FARS2: variants seen among roughly 807,000 people sequenced by gnomAD.
FARS2 encodes the protein phenylalanyl-tRNA synthetase 2, mitochondrial.
In FARS2, 40 loss-of-function variants were observed where a neutral mutation model predicts 46.4. The observed-to-expected ratio is 0.86, with a 90% CI of 0.67 to 1.12. The LOEUF is 1.12. Ranked by LOEUF, FARS2 falls within the 50% of genes most tolerant of loss-of-function variation. The pLI is 0.00. For synonymous variants in FARS2, 234 were observed against 214.9 expected (o/e 1.09, Z -0.78); for missense variants, 513 against 567.9 (o/e 0.90, Z 0.98).
intron 4 of FARS2, among the ~76,000 whole-genome samples, chr6:5,481,482 CCTCAGTTCATTGTT>C (rs112976661): frequency 7.0e-4 from 107 of 152,270 alleles, no homozygotes; most frequent in African/African-American, 2.5e-3. Flanking sequence ...TCTGGATCTG[CCTCAGTTCATTGTT>C]CTTAGACTTG....
At chr6:5,578,929 C>T (rs1362138437) in intron 5 of FARS2, among the ~76,000 whole-genome samples, 1 of 152,006 alleles carries the variant, frequency 6.6e-6, no homozygotes. Context: ...TTTCTCTGGC[C>T]TGTTTTCTCA....
At chr6:5,750,817 A>T (rs989420120) in intron 6 of FARS2, among the ~76,000 whole-genome samples, 1 of 152,054 alleles carries the variant, frequency 6.6e-6, no homozygotes, top group Non-Finnish European at 1.5e-5. Flanking sequence ...TTAAAACATG[A>T]CTATTAATAG....
At chr6:5,698,263 C>T (rs1440671163) in intron 6 of FARS2, among the ~76,000 whole-genome samples, 9 of 152,298 alleles carry the variant, frequency 5.9e-5, no homozygotes, top group South Asian at 2.1e-4. Context: ...AGGGAGGCCT[C>T]GGGAAGCTCA....
intron 1 of FARS2, among the ~76,000 whole-genome samples, chr6:5,346,090 CAGTCACCTAGA>C (rs1259916306): frequency 1.3e-5 from 2 of 152,202 alleles, no homozygotes; most frequent in East Asian, 3.9e-4. Flanking sequence ...CAGGGACGTG[CAGTCACCTAGA>C]AGTCTCTTCC....
At chr6:5,550,988 T>C (rs1263657448) in intron 5 of FARS2, among the ~76,000 whole-genome samples, 1 of 152,214 alleles carries the variant, frequency 6.6e-6, no homozygotes, top group Non-Finnish European at 1.5e-5. Flanking sequence ...CCAAAGCACT[T>C]TTCTTTCAGC....
Position 5,692,332 on chromosome 6 carries a change from C to T in FARS2, c.1218-78959C>T, listed in dbSNP as rs189382762. On this transcript the variant is annotated intron_variant, in intron 6 of 6. Transcript: ENST00000274680. ...TTCCTATTCGGCCATCTTGGCTCCA[C>T]CCCCCTTCTATGAATTTCTTAGGCT... is the stretch of plus-strand genomic sequence containing the variant. 6.2e-3 allele frequency among the ~76,000 whole-genome samples: 942 copies of T among 152,326 alleles called. 8 individuals carry two copies. The highest frequency in any genetic ancestry group is 8.7e-3 in the Non-Finnish European group (589 of 68,022).
At chr6:5,649,951 G>A (rs911634495) in intron 6 of FARS2, among the ~76,000 whole-genome samples, 5 of 152,172 alleles carry the variant, frequency 3.3e-5, no homozygotes, top group African/African-American at 9.7e-5. Context: ...CTGAGAAGGG[G>A]CTTCTTAGAT....
intron 5 of FARS2, among the ~76,000 whole-genome samples, chr6:5,547,886 A>G (rs1771131951): frequency 6.6e-6 from 1 of 152,180 alleles, no homozygotes; most frequent in Non-Finnish European, 1.5e-5. Flanking sequence ...CTCTGGAGTT[A>G]TACTTATTTA....
intron 6 of FARS2, among the ~76,000 whole-genome samples, chr6:5,644,603 A>G (rs1329130582): frequency 6.6e-6 from 1 of 152,096 alleles, no homozygotes; most frequent in Admixed American, 6.6e-5. Flanking sequence ...CAGCATCTTT[A>G]GCCCACCTTG....
At chr6:5,331,834 C>G (rs1581801693) in intron 1 of FARS2, among the ~76,000 whole-genome samples, 1 of 152,162 alleles carries the variant, frequency 6.6e-6, no homozygotes, top group South Asian at 2.1e-4. Flanking sequence ...GGTTTTACCC[C>G]TGAACCTACT....
intron 4 of FARS2, among the ~76,000 whole-genome samples, chr6:5,444,481 A>G (rs1174327270): frequency 1.1e-5 from 1 of 91,448 alleles, no homozygotes; most frequent in African/African-American, 6.0e-5. Context: ...AAAAAAAAAA[A>G]AAAAAAAAAA....
chr6:5,257,526 G>A (rs1282160323), upstream of FARS2, among the ~76,000 whole-genome samples: 1 of 152,182 alleles, frequency 6.6e-6, no homozygotes, highest in East Asian at 1.9e-4. Context: ...GGTATAGCAG[G>A]GGTCCCCAAC....
intron 1 of FARS2, among the ~76,000 whole-genome samples, chr6:5,298,697 A>G (rs1411665877): frequency 6.6e-6 from 1 of 152,146 alleles, no homozygotes; most frequent in Non-Finnish European, 1.5e-5. Context: ...ATGTGCCATC[A>G]AGATGTGGGA....
intron 4 of FARS2, among the ~76,000 whole-genome samples, chr6:5,497,415 G>T (rs1035267857): frequency 3.9e-5 from 6 of 152,154 alleles, no homozygotes; most frequent in Non-Finnish European, 5.9e-5. Context: ...TTTTTGCCAG[G>T]CCTGATGAGA....
At chr6:5,632,587 TC>T (rs1364645487) in intron 6 of FARS2, among the ~76,000 whole-genome samples, 1 of 146,958 alleles carries the variant, frequency 6.8e-6, no homozygotes, top group Non-Finnish European at 1.5e-5. Flanking sequence ...CCTTCCCCCT[TC>T]CCCCTTCCCG....
intron 6 of FARS2, among the ~76,000 whole-genome samples, chr6:5,707,781 A>G (rs1758851211): frequency 6.6e-6 from 1 of 152,082 alleles, no homozygotes; most frequent in South Asian, 2.1e-4. Flanking sequence ...CGCACATCTC[A>G]CAGAGCCCCA....
intron 6 of FARS2, among the ~76,000 whole-genome samples, chr6:5,668,443 T>C (rs1199793794): frequency 1.3e-5 from 2 of 152,226 alleles, no homozygotes; most frequent in Non-Finnish European, 2.9e-5. Flanking sequence ...CTGAAATGGC[T>C]GGTCCCCTGG....
chr6:5,502,700 T>C (rs1433343083), intron 4 of FARS2, among the ~76,000 whole-genome samples: 1 of 152,254 alleles, frequency 6.6e-6, no homozygotes, highest in African/African-American at 2.4e-5. Context: ...TTCATTTAGG[T>C]GAGACAAGTA....
intron 1 of FARS2, among the ~76,000 whole-genome samples, chr6:5,313,774 T>C (rs1769257412): frequency 6.6e-6 from 1 of 152,042 alleles, no homozygotes; most frequent in African/African-American, 2.4e-5. Flanking sequence ...GAGAGGTAAG[T>C]CATTGGTTTA....
Sources: gnomAD v4.1 joint callset for allele counts (sites outside exome capture counted in the v4.1 genomes callset) on GRCh38, gnomAD v4.1.1 for gene constraint, MANE v1.5 for transcripts, NCBI Gene and HGNC (gene_info 2026-07-23, HGNC 2026-07-21) for gene names.